FOXN3: variants seen among roughly 807,000 people sequenced by gnomAD.
The protein encoded by FOXN3 is forkhead box protein N3.
Under a neutral mutation model 38.4 loss-of-function variants are expected in FOXN3, and 7 were observed. That is an observed-to-expected ratio of 0.18 (90% CI 0.10 to 0.34). FOXN3 has a LOEUF of 0.34. FOXN3 is among the 10% of genes least tolerant of loss of function. The pLI is 1.00. For synonymous variants in FOXN3, 230 were observed against 242.2 expected (o/e 0.95, Z 0.47); for missense variants, 456 against 613.4 (o/e 0.74, Z 2.71).
intron 2 of FOXN3, among the ~76,000 whole-genome samples, chr14:89,365,922 G>T (rs553929038): frequency 1.3e-5 from 2 of 152,222 alleles, no homozygotes; most frequent in East Asian, 3.9e-4. Context: ...GAAACATAAA[G>T]TAACTAGAAT....
intron 1 of FOXN3, among the ~76,000 whole-genome samples, chr14:89,456,246 G>A (rs1264880216): frequency 6.6e-6 from 1 of 151,350 alleles, no homozygotes; most frequent in Admixed American, 6.6e-5. Context: ...GGCCCTGCAG[G>A]TTCAAGGCTT....
At chr14:89,567,044 C>G (rs1002719148) in intron 1 of FOXN3, among the ~76,000 whole-genome samples, 11 of 152,194 alleles carry the variant, frequency 7.2e-5, no homozygotes, top group African/African-American at 2.7e-4. Context: ...TGACCCAAGG[C>G]TACAAGTATA....
chr14:89,468,729 G>C (rs1037915741), intron 1 of FOXN3, among the ~76,000 whole-genome samples: 1 of 152,148 alleles, frequency 6.6e-6, no homozygotes, highest in African/African-American at 2.4e-5. Flanking sequence ...GTGCCAGGAC[G>C]TATCATTTGG....
At chr14:89,319,485 T>C (rs548396543) in intron 3 of FOXN3, among the ~76,000 whole-genome samples, 14 of 152,196 alleles carry the variant, frequency 9.2e-5, no homozygotes, top group Non-Finnish European at 1.8e-4. Flanking sequence ...AGATTTTTAC[T>C]GGGGACTCTT....
chr14:89,188,277 G>A (rs77154629), intron 4 of FOXN3, among the ~76,000 whole-genome samples: 1,993 of 152,320 alleles, frequency 0.013, 49 homozygotes, highest in African/African-American at 0.046. Flanking sequence ...CAGAGTTGGA[G>A]AGGGGAGGCG....
chr14:89,195,732 G>A (rs2139813576), intron 4 of FOXN3, among the ~76,000 whole-genome samples: 2 of 152,322 alleles, frequency 1.3e-5, no homozygotes, highest in East Asian at 3.9e-4. Flanking sequence ...CCACTTGGCA[G>A]GAGTGCTTCA....
At chr14:89,570,810 C>T (rs1485507806) in intron 1 of FOXN3, among the ~76,000 whole-genome samples, 2 of 152,096 alleles carry the variant, frequency 1.3e-5, no homozygotes, top group Non-Finnish European at 1.5e-5. Flanking sequence ...GATCTAAACC[C>T]AGGTCTTTGG....
chr14:89,267,756 G>A (rs1886026951), intron 4 of FOXN3, among the ~76,000 whole-genome samples: 1 of 152,146 alleles, frequency 6.6e-6, no homozygotes, highest in Non-Finnish European at 1.5e-5. Context: ...GGGAAGATCA[G>A]ATGTTAAAAG....
At chr14:89,605,780 T>C (rs1218016392) in intron 1 of FOXN3, among the ~76,000 whole-genome samples, 2 of 152,150 alleles carry the variant, frequency 1.3e-5, no homozygotes, top group Non-Finnish European at 2.9e-5. Context: ...TTTTATACTC[T>C]ATTAAACACA....
At chr14:89,228,422 C>T (rs952897277) in intron 4 of FOXN3, among the ~76,000 whole-genome samples, 2 of 152,186 alleles carry the variant, frequency 1.3e-5, no homozygotes, top group Non-Finnish European at 2.9e-5. Context: ...CTAACAAGGT[C>T]ACAGTCCGTA....
chr14:89,551,053 C>T (rs749588471), intron 1 of FOXN3, among the ~76,000 whole-genome samples: 5 of 152,340 alleles, frequency 3.3e-5, no homozygotes, highest in Middle Eastern at 6.8e-3. Flanking sequence ...CCTTAAACAT[C>T]TTATCAGCCT....
chr14:89,532,277 G>C (rs1297313296), intron 1 of FOXN3, among the ~76,000 whole-genome samples: 2 of 152,176 alleles, frequency 1.3e-5, no homozygotes, highest in Non-Finnish European at 2.9e-5. Context: ...CGTAGTTATG[G>C]AACAATATTT....
At chr14:89,389,889 A>G (rs778972278) in intron 2 of FOXN3, among the ~76,000 whole-genome samples, 21 of 152,104 alleles carry the variant, frequency 1.4e-4, no homozygotes, top group Non-Finnish European at 1.8e-4. Flanking sequence ...ACAAAATGTC[A>G]TAAAATAAAT....
intron 4 of FOXN3, among the ~76,000 whole-genome samples, chr14:89,252,934 T>G (rs1170159456): frequency 6.6e-6 from 1 of 152,164 alleles, no homozygotes; most frequent in Non-Finnish European, 1.5e-5. Flanking sequence ...GATTCAGGAC[T>G]GCAGGAACCA....
intron 1 of FOXN3, among the ~76,000 whole-genome samples, chr14:89,443,309 G>T (rs1596275688): frequency 6.6e-6 from 1 of 152,086 alleles, no homozygotes; most frequent in Non-Finnish European, 1.5e-5. Context: ...GGCACAAAAA[G>T]TGTTCCTTTT....
At chr14:89,524,300 G>C (rs112253496) in intron 1 of FOXN3, among the ~76,000 whole-genome samples, 53,142 of 138,066 alleles carry the variant, frequency 0.38, 10,704 homozygotes, top group East Asian at 0.61. Flanking sequence ...TGTGAAACCC[G>C]GGGGGCAGAG....
chr14:89,460,589 T>C (rs1044688870), intron 1 of FOXN3, among the ~76,000 whole-genome samples: 2 of 152,190 alleles, frequency 1.3e-5, no homozygotes, highest in African/African-American at 4.8e-5. Context: ...GTAGTAGGCA[T>C]TGCCTTTATC....
chr14:89,329,345 A>G (rs1208803247), intron 3 of FOXN3, among the ~76,000 whole-genome samples: 1 of 152,168 alleles, frequency 6.6e-6, no homozygotes, highest in Non-Finnish European at 1.5e-5. Context: ...AGTCCTCAAC[A>G]TTTAAAACTC....
chr14:89,373,933 G>A (rs1890395826), intron 2 of FOXN3, among the ~76,000 whole-genome samples: 2 of 152,164 alleles, frequency 1.3e-5, no homozygotes, highest in South Asian at 2.1e-4. Context: ...GTGCTGTTCA[G>A]ATTGTGAAGC....
Sources: allele counts gnomAD v4.1 joint callset (sites outside exome capture counted in the v4.1 genomes callset), GRCh38; gene constraint gnomAD v4.1.1; transcripts MANE v1.5; gene names NCBI Gene and HGNC (gene_info 2026-07-23, HGNC 2026-07-21).